Variants in LHFPL3 observed in about 807,000 individuals in gnomAD.
LHFPL3 encodes LHFPL tetraspan subfamily member 3, also known as LHFPL tetraspan subfamily member 3 protein.
LHFPL3 carries 5 observed loss-of-function variants against 19.3 expected under a neutral mutation model. The ratio of observed to expected loss-of-function variants is 0.26; its 90% CI spans 0.14 to 0.54. LHFPL3 has a LOEUF of 0.54. LHFPL3 is among the 20% of genes least tolerant of loss of function. The pLI is 0.94. For synonymous variants in LHFPL3, 133 were observed against 126.2 expected (o/e 1.05, Z -0.36); for missense variants, 249 against 307.4 (o/e 0.81, Z 1.42).
intron 1 of LHFPL3, among the ~76,000 whole-genome samples, chr7:104,676,999 G>C (rs1792604333): frequency 6.6e-6 from 1 of 152,190 alleles, no homozygotes; most frequent in South Asian, 2.1e-4. Context: ...AAACAATACA[G>C]AATTGGCTAA....
At chr7:104,633,821 G>A (rs980209767) in intron 1 of LHFPL3, among the ~76,000 whole-genome samples, 4 of 152,076 alleles carry the variant, frequency 2.6e-5, no homozygotes, top group Admixed American at 6.6e-5. Context: ...AACTACTAAC[G>A]TTGCCAACAC....
At chr7:104,627,887 T>G (rs1584448702) in intron 1 of LHFPL3, among the ~76,000 whole-genome samples, 1 of 152,198 alleles carries the variant, frequency 6.6e-6, no homozygotes, top group African/African-American at 2.4e-5. Context: ...CATTATGTGG[T>G]ATTGTAGGTA....
At chr7:104,761,060 A>G (rs1001133944) in intron 2 of LHFPL3, among the ~76,000 whole-genome samples, 2 of 152,192 alleles carry the variant, frequency 1.3e-5, no homozygotes, top group Non-Finnish European at 2.9e-5. Context: ...TGGAAAAGTC[A>G]TCTTCATTAG....
At chr7:104,429,840 T>C (rs1791921235) in intron 1 of LHFPL3, among the ~76,000 whole-genome samples, 1 of 151,988 alleles carries the variant, frequency 6.6e-6, no homozygotes, top group African/African-American at 2.4e-5. Flanking sequence ...AGGTAGACTT[T>C]GAAGTCCAAG....
intron 1 of LHFPL3, among the ~76,000 whole-genome samples, chr7:104,480,808 G>T (rs529709319): frequency 7.2e-5 from 11 of 152,106 alleles, no homozygotes; most frequent in African/African-American, 2.7e-4. Flanking sequence ...TAACCCATGG[G>T]TAAAATCAAG....
rs1393308581 is a variant in LHFPL3 at position 104,480,389 on chromosome 7, A to C, written c.445+151165A>C. Among the ~76,000 whole-genome samples, 3 of 152,152 alleles carry C rather than the reference A, an allele frequency of 2.0e-5. No individual in the cohort carries two copies. The East Asian group carries it at 5.8e-4, about 29-fold the overall frequency. ...GAAAGTGGAACTCAAGTGAATGCAA[A>C]ACTGTGAGTAGCTGGTTGCACACCG... On this transcript the variant is annotated intron_variant, in intron 1 of 2. Transcript: ENST00000424859.
At chr7:104,686,070 T>A (rs1792798845) in intron 1 of LHFPL3, among the ~76,000 whole-genome samples, 1 of 152,218 alleles carries the variant, frequency 6.6e-6, no homozygotes, top group African/African-American at 2.4e-5. Flanking sequence ...TTGAAAGAAC[T>A]ATAAATAATC....
chr7:104,712,835 G>A (rs113785364), intron 1 of LHFPL3, among the ~76,000 whole-genome samples: 1,769 of 152,270 alleles, frequency 0.012, 31 homozygotes, highest in African/African-American at 0.04. Context: ...ACACATTACA[G>A]TTGACAAAAT....
chr7:104,742,525 C>T (rs1230411517), intron 2 of LHFPL3, among the ~76,000 whole-genome samples: 2 of 152,152 alleles, frequency 1.3e-5, no homozygotes, highest in Non-Finnish European at 1.5e-5. Context: ...TATGGCCACA[C>T]TGGGAGTGGC....
intron 2 of LHFPL3, among the ~76,000 whole-genome samples, chr7:104,775,074 C>T (rs1794617272): frequency 6.6e-6 from 1 of 152,136 alleles, no homozygotes; most frequent in Admixed American, 6.5e-5. Context: ...ATAGGATAAC[C>T]ATAATACAGT....
chr7:104,507,285 G>A (rs1394675348), intron 1 of LHFPL3, among the ~76,000 whole-genome samples: 1 of 146,800 alleles, frequency 6.8e-6, no homozygotes, highest in Non-Finnish European at 1.5e-5. Context: ...ACAGAACAGA[G>A]CCCTCAGAAA....
chr7:104,627,606 G>T (rs1323581673), intron 1 of LHFPL3, among the ~76,000 whole-genome samples: 1 of 152,148 alleles, frequency 6.6e-6, no homozygotes. Context: ...GTTAAAATTA[G>T]ATTTCCTACT....
At chr7:104,584,855 T>C (rs914699432) in intron 1 of LHFPL3, among the ~76,000 whole-genome samples, 8 of 152,154 alleles carry the variant, frequency 5.3e-5, no homozygotes, top group African/African-American at 1.9e-4. Flanking sequence ...AGCATGGTAA[T>C]TCGGTGATCT....
intron 1 of LHFPL3, among the ~76,000 whole-genome samples, chr7:104,370,026 A>C (rs547831907): frequency 6.6e-6 from 1 of 152,362 alleles, no homozygotes; most frequent in Admixed American, 6.5e-5. Context: ...GTTAATATAC[A>C]TGTTAGCCAT....
chr7:104,409,294 C>T lies in LHFPL3; in HGVS notation c.445+80070C>T, dbSNP rs76458727. Reference sequence around the variant, plus strand: ...CACATCTTGAATTGCTAAAAACTTACTTATGTGTGCTGTGTGTGTGTGTGT... The same window carrying T: ...CACATCTTGAATTGCTAAAAACTTATTTATGTGTGCTGTGTGTGTGTGTGT... On this transcript the variant is annotated intron_variant, in intron 1 of 2. Transcript: ENST00000424859. Among the ~76,000 whole-genome samples the T allele has an allele frequency of 7.6e-3, 1,107 of 145,170 alleles. 73 individuals carry two copies. In the East Asian group the frequency reaches 0.16, roughly 21 times the overall value.
chr7:104,357,291 C>T (rs1790298471), intron 1 of LHFPL3, among the ~76,000 whole-genome samples: 1 of 152,160 alleles, frequency 6.6e-6, no homozygotes, highest in South Asian at 2.1e-4. Context: ...ACCTTTGCTT[C>T]CTTGACAAGT....
chr7:104,666,381 T>C (rs2116011222), intron 1 of LHFPL3, among the ~76,000 whole-genome samples: 1 of 152,100 alleles, frequency 6.6e-6, no homozygotes, highest in Non-Finnish European at 1.5e-5. Flanking sequence ...TCTATCTCTA[T>C]GAGATCAACT....
At chr7:104,812,842 A>G (rs1398496218) in intron 2 of LHFPL3, among the ~76,000 whole-genome samples, 4 of 125,624 alleles carry the variant, frequency 3.2e-5, no homozygotes, top group South Asian at 2.8e-4. Context: ...GGCCAGGCGC[A>G]GTGGCTCATG....
chr7:104,823,898 C>A (rs142323899), intron 2 of LHFPL3, among the ~76,000 whole-genome samples: 205 of 151,892 alleles, frequency 1.3e-3, no homozygotes, highest in African/African-American at 4.6e-3. Flanking sequence ...CTAATCCCAG[C>A]ACTTTGGGAG....
Sources: allele counts gnomAD v4.1 joint callset (sites outside exome capture counted in the v4.1 genomes callset), GRCh38; gene constraint gnomAD v4.1.1; transcripts MANE v1.5; gene names NCBI Gene and HGNC (gene_info 2026-07-23, HGNC 2026-07-21).